The following TTLL11 variants were observed in gnomAD, a reference collection of about 807,000 sequenced individuals.
The protein encoded by TTLL11 is tubulin tyrosine ligase like 11, also known as tubulin polyglutamylase TTLL11.
A neutral mutation model predicts 51.7 loss-of-function variants in TTLL11; 42 were observed. The observed-to-expected ratio is 0.81, with a 90% CI of 0.64 to 1.05. The LOEUF (loss-of-function observed/expected upper bound fraction) is 1.05, where lower values mean the gene tolerates loss of function less well. Ranked by LOEUF, TTLL11 falls within the 50% of genes least tolerant of loss-of-function variation. TTLL11 has a pLI of 0.00. For missense variants in TTLL11, 799 were observed against 940.4 expected (o/e 0.85, Z 1.97); for synonymous variants, 381 against 383.5 (o/e 0.99, Z 0.08).
At chr9:121,827,393 G>A (rs1836845179) in intron 8 of TTLL11, among the ~76,000 whole-genome samples, 1 of 152,120 alleles carries the variant, frequency 6.6e-6, no homozygotes, top group African/African-American at 2.4e-5. Context: ...CGAAGGGTGG[G>A]GACGGGAAGT....
At chr9:122,030,197 GAC>G (rs1444729925) in intron 3 of TTLL11, among the ~76,000 whole-genome samples, 4 of 101,990 alleles carry the variant, frequency 3.9e-5, no homozygotes, top group Non-Finnish European at 7.9e-5. Flanking sequence ...ACAGAAGAGA[GAC>G]ATTGGGGGGG....
In TTLL11 at chr9:121,826,501, G is replaced by GTA. The variant is rs1218370792; in HGVS notation, c.1841-3624_1841-3623dup. Among the ~76,000 whole-genome samples the GTA allele has an allele frequency of 8.0e-4, 27 of 33,578 alleles. 1 individual carries two copies. The East Asian group carries it at 0.013, about 16-fold the overall frequency. 22.0% of individuals were successfully genotyped at this position (33,578 alleles called of 152,430 possible). ...TATATGTATATATATATATGTGTGT[G>GTA]TATATATATATATGTATATATATAT... is the stretch of plus-strand genomic sequence containing the variant. On this transcript the variant is annotated intron_variant, in intron 8 of 8. Transcript: ENST00000321582.
chr9:122,084,295 G>A (rs1391323252), intron 1 of TTLL11, among the ~76,000 whole-genome samples: 1 of 152,074 alleles, frequency 6.6e-6, no homozygotes, highest in African/African-American at 2.4e-5. Flanking sequence ...GAGAGGGAAG[G>A]AAGCCGCCAG....
intron 3 of TTLL11, among the ~76,000 whole-genome samples, chr9:122,030,776 CAAAAAAAA>C (rs35456581): frequency 4.3e-5 from 3 of 69,334 alleles, no homozygotes; most frequent in African/African-American, 1.5e-4. Flanking sequence ...ACAAAAAATA[CAAAAAAAA>C]AAAAAAAAAA....
chr9:122,002,647 C>T (rs1180115291), intron 3 of TTLL11, among the ~76,000 whole-genome samples: 1 of 152,048 alleles, frequency 6.6e-6, no homozygotes, highest in African/African-American at 2.4e-5. Flanking sequence ...GGAGGCTCAG[C>T]TTTAAGAGAT....
At chr9:122,023,276 A>G (rs1045005158) in intron 3 of TTLL11, among the ~76,000 whole-genome samples, 3 of 151,978 alleles carry the variant, frequency 2.0e-5, no homozygotes, top group Non-Finnish European at 1.5e-5. Flanking sequence ...TGAACAGCCT[A>G]TATCTATCAA....
At chr9:121,985,014 A>G (rs368449282) in intron 4 of TTLL11, among the ~76,000 whole-genome samples, 36 of 152,324 alleles carry the variant, frequency 2.4e-4, no homozygotes, top group African/African-American at 6.7e-4. Context: ...AGCAGATTAC[A>G]GGAAACCTGC....
intron 1 of TTLL11, among the ~76,000 whole-genome samples, chr9:122,074,146 C>T (rs973643132): frequency 2.6e-5 from 4 of 151,932 alleles, no homozygotes; most frequent in African/African-American, 9.7e-5. Context: ...TGGTGGTGCG[C>T]ACATATAATA....
chr9:121,983,577 G>A (rs1195562987), intron 4 of TTLL11, among the ~76,000 whole-genome samples: 2 of 152,284 alleles, frequency 1.3e-5, no homozygotes, highest in Middle Eastern at 6.8e-3. Context: ...CAGGGAGGTA[G>A]GAGGGAAACT....
Position 121,822,597 on chromosome 9 carries a change from G to A in TTLL11, c.2123C>T (p.Thr708Ile). 2.0e-6 allele frequency: 3 copies of A among 1,466,612 alleles called. No homozygotes were observed. Among genetic ancestry groups the A allele is most frequent in the Non-Finnish European group, 2.7e-6 (3 of 1,108,486 alleles). 90.8% of individuals were successfully genotyped at this position (1,466,612 alleles called of 1,614,324 possible). ...CANKLSHPRH[T>I]LS ...AGGACAGAGTGGCCCTCAGGACAGGGTATGTCTGGGATGGGAGAGCTTATT... is the reference window on the plus strand; with the variant it reads ...AGGACAGAGTGGCCCTCAGGACAGGATATGTCTGGGATGGGAGAGCTTATT... The change falls in exon 9 of 9, where the codon ACC (threonine) becomes ATC (isoleucine). Residue 708 changes from threonine to isoleucine, a missense_variant. Thr to Ile is a moderately conservative substitution (Grantham distance 89). Around this residue, in one of 3 missense-constraint regions of TTLL11, gnomAD observed 165 missense variants for 166.1 expected, o/e 0.99. Coordinates refer to ENST00000321582, the MANE Select transcript of TTLL11 (RefSeq NM_001139442.2). The surrounding 1 kb of genome is among the most constrained non-coding windows in gnomAD (Gnocchi z 5.8).
intron 3 of TTLL11, among the ~76,000 whole-genome samples, chr9:121,998,979 C>A (rs1441692324): frequency 6.6e-6 from 1 of 152,154 alleles, no homozygotes; most frequent in African/African-American, 2.4e-5. Context: ...AGAGGTTTCT[C>A]CCCATATTCC....
chr9:121,955,068 A>G (rs746594062), intron 6 of TTLL11, among the ~76,000 whole-genome samples: 2 of 152,110 alleles, frequency 1.3e-5, no homozygotes, highest in Non-Finnish European at 2.9e-5. Flanking sequence ...GCCTTTCCAC[A>G]TCAAAGAGAA....
intron 8 of TTLL11, among the ~76,000 whole-genome samples, chr9:121,849,975 CT>C (rs1174753079): frequency 6.6e-6 from 1 of 152,088 alleles, no homozygotes; most frequent in Non-Finnish European, 1.5e-5. Context: ...CAAATTATCT[CT>C]AGATTACTTA....
At position 122,031,709 on chromosome 9, in the gene TTLL11, G is replaced by A. The variant is rs778923402; in HGVS notation, c.693+14C>T. 3.7e-6 allele frequency: 6 copies of A among 1,611,356 alleles called. No homozygotes were observed. The Admixed American group carries it at 5.0e-5, about 13-fold the overall frequency. ...AATATAATTCAGGGGTCATGGGGAC[G>A]GAGTGCCATCTACCTGAGCAACAAA... On this transcript the variant is annotated intron_variant, in intron 3 of 8. Coordinates refer to ENST00000321582, the MANE Select transcript of TTLL11 (RefSeq NM_001139442.2).
chr9:122,071,627 C>G (rs372673126), intron 1 of TTLL11, among the ~76,000 whole-genome samples: 2 of 152,218 alleles, frequency 1.3e-5, no homozygotes, highest in South Asian at 4.2e-4. Context: ...AGGTGCAGCA[C>G]GGGATGAAGG....
chr9:121,922,383 T>A (rs1258076702), intron 6 of TTLL11, among the ~76,000 whole-genome samples: 1 of 152,200 alleles, frequency 6.6e-6, no homozygotes, highest in Non-Finnish European at 1.5e-5. Context: ...ATTTTTAATG[T>A]TGCATTTCTC....
chr9:121,920,429 C>T (rs951508571), intron 6 of TTLL11, among the ~76,000 whole-genome samples: 5 of 152,190 alleles, frequency 3.3e-5, no homozygotes, highest in Admixed American at 3.3e-4. Context: ...GATGGTTTGG[C>T]TTGATCCAAT....
At chr9:122,017,219 C>T (rs575279961) in intron 3 of TTLL11, among the ~76,000 whole-genome samples, 19 of 152,144 alleles carry the variant, frequency 1.2e-4, no homozygotes, top group Non-Finnish European at 2.1e-4. Flanking sequence ...ACTTCTGAGG[C>T]ACTGTCAGGA....
intron 8 of TTLL11, among the ~76,000 whole-genome samples, chr9:121,826,553 G>GTATATATATATATA (rs1385087890): frequency 8.8e-5 from 4 of 45,206 alleles, no homozygotes; most frequent in African/African-American, 7.2e-4. Flanking sequence ...ATATATATGT[G>GTATATATATATATA]TGTGTATATA....
Sources: gnomAD v4.1 joint callset for allele counts (sites outside exome capture counted in the v4.1 genomes callset) on GRCh38, gnomAD v4.1.1 for gene constraint, gnomAD v4.1.1 regional missense constraint, Gnocchi (gnomAD v3.1) non-coding constraint, MANE v1.5 for transcripts, NCBI Gene and HGNC (gene_info 2026-07-23, HGNC 2026-07-21) for gene names.